The following TTC6 variants were observed in gnomAD, a reference collection of about 807,000 sequenced individuals.
The protein encoded by TTC6 is tetratricopeptide repeat domain 6.
Under a neutral mutation model 210.4 loss-of-function variants are expected in TTC6, and 172 were observed. The ratio of observed to expected loss-of-function variants is 0.82; its 90% CI spans 0.72 to 0.93. The LOEUF is 0.93. Among genes scored for constraint, TTC6 ranks in the 40% least tolerant of loss-of-function variants. TTC6 has a pLI of 0.00. For missense variants in TTC6, 2,414 were observed against 2,318.1 expected (o/e 1.04, Z -0.85); for synonymous variants, 804 against 819.6 (o/e 0.98, Z 0.32).
chr14:37,825,671 C>A lies in TTC6; in HGVS notation c.4975-524C>A, dbSNP rs1595319951. ...AGCTTGGTAGATTTGCATGTATTTT[C>A]CATGGAATACGTATAGTGATACTAA... On this transcript the variant is annotated intron_variant, in intron 27 of 30. Coordinates refer to ENST00000553443, the Ensembl canonical transcript of TTC6. Among the ~76,000 whole-genome samples, 4 of 152,186 alleles carry A rather than the reference C, an allele frequency of 2.6e-5. 1 individual carries two copies. In the Middle Eastern group the frequency reaches 0.014, roughly 518 times the overall value.
rs1237746427 is a variant in TTC6 at position 37,745,068 on chromosome 14, A to ATG, written c.2364-3861_2364-3860dup. ...CATATATATGTACGTACATATACAT[A>ATG]TGTGTGTGTGTATATATATATGGAG... On this transcript the variant is annotated intron_variant, in intron 10 of 30. Coordinates refer to ENST00000553443, the Ensembl canonical transcript of TTC6. Among the ~76,000 whole-genome samples the ATG allele has an allele frequency of 2.6e-5, 4 of 152,036 alleles. No homozygotes were observed. In the South Asian group the frequency reaches 6.2e-4, roughly 24 times the overall value.
chr14:37,727,503 T>G lies in TTC6; in HGVS notation c.1818+2501T>G, dbSNP rs142587048. On this transcript the variant is annotated intron_variant, in intron 7 of 30. Coordinates refer to ENST00000553443, the Ensembl canonical transcript of TTC6. ...AGAGATGGGGTTTCACTGTTTTAGC[T>G]AGGATGGTCTTGATCTCCTGACCTT... Among the ~76,000 whole-genome samples, 1,179 of 146,030 alleles carry G rather than the reference T, an allele frequency of 8.1e-3. 18 individuals are homozygous for G. The highest frequency in any genetic ancestry group is 0.028 in the African/African-American group (1,102 of 39,336).
rs112298701 is a variant in TTC6, at chr14:37,713,899, G to A, written c.1572-756G>A. On this transcript the variant is annotated intron_variant, in intron 5 of 30. Coordinates refer to ENST00000553443, the Ensembl canonical transcript of TTC6. ...ATAATAGTATATCAATAAGTTAGAG[G>A]GAACAGTAGCTTTAAATGCTTCAAT... Among the ~76,000 whole-genome samples the A allele has an allele frequency of 2.7e-3, 411 of 152,144 alleles. 6 individuals are homozygous for A. Among genetic ancestry groups the A allele is most frequent in the African/African-American group, 8.7e-3 (363 of 41,498 alleles).
rs549559734 is a variant in TTC6 at position 37,800,228 on chromosome 14, GTTATTATTT to G, written c.4029+3287_4029+3295del. ...GGACTCTGAGGCAAATGAGCAACAT[GTTATTATTT>G]TTATTTAGTGGTTCAAAGCTTAGTA... On this transcript the variant is annotated intron_variant, in intron 20 of 30. Transcript: ENST00000553443. Among the ~76,000 whole-genome samples, 10 of 152,200 alleles carry G rather than the reference GTTATTATTT, an allele frequency of 6.6e-5. No homozygotes were observed. The South Asian group carries it at 2.1e-3, about 32-fold the overall frequency.
At chr14:37,638,921 A>G (rs1481277449) in intron 1 of TTC6, among the ~76,000 whole-genome samples, 2 of 152,064 alleles carry the variant, frequency 1.3e-5, no homozygotes, top group Non-Finnish European at 2.9e-5. Context: ...TAAACCCCCA[A>G]CTCCCCAGAC....
chr14:37,659,082 A>G (rs566358199), intron 1 of TTC6, among the ~76,000 whole-genome samples: 1 of 152,208 alleles, frequency 6.6e-6, no homozygotes, highest in African/African-American at 2.4e-5. Flanking sequence ...CTCCAGCTCC[A>G]TCCATGCTCC....
At chr14:37,832,146 T>C (rs2096186793) in intron 29 of TTC6, among the ~76,000 whole-genome samples, 1 of 152,112 alleles carries the variant, frequency 6.6e-6, no homozygotes, top group Non-Finnish European at 1.5e-5. Flanking sequence ...AGTTTCTTTC[T>C]TCTGCAAATG....
chr14:37,812,600 GT>G (rs746468999), intron 25 of TTC6, among the ~76,000 whole-genome samples, 167 bp downstream of exon 27: 10,175 of 151,866 alleles, frequency 0.067, 518 homozygotes, highest in South Asian at 0.13. Context: ...TTGAAAAAAT[GT>G]ATATTTTTGC....
intron 20 of TTC6, among the ~76,000 whole-genome samples, chr14:37,800,383 A>G (rs1361343501): frequency 6.6e-6 from 1 of 152,184 alleles, no homozygotes; most frequent in African/African-American, 2.4e-5. Context: ...TGCTTCTAAT[A>G]GTAAAGTGTG....
intron 1 of TTC6, among the ~76,000 whole-genome samples, chr14:37,605,969 A>G (rs11627807): frequency 0.72 from 109,308 of 151,518 alleles, 39,537 homozygotes; most frequent in East Asian, 0.86. Flanking sequence ...TCATGCCCCA[A>G]TGCCAGACTT....
rs556848483 is a variant in TTC6 at position 37,810,945 on chromosome 14, A to G, written c.4570-1369A>G. The stretch of plus-strand genomic sequence containing the variant: ...TATTTTTAAGCAGATCCTTACAACA[A>G]TATGATGAATTTTTAACACCCCAAT... On this transcript the variant is annotated intron_variant, in intron 24 of 30. Coordinates refer to ENST00000553443, the Ensembl canonical transcript of TTC6. Among the ~76,000 whole-genome samples the G allele has an allele frequency of 2.0e-5, 3 of 152,292 alleles. No homozygotes were observed. In the East Asian group the frequency reaches 5.8e-4, roughly 29 times the overall value.
chr14:37,729,187 T>A (rs772635167), intron 7 of TTC6, among the ~76,000 whole-genome samples: 29 of 152,224 alleles, frequency 1.9e-4, no homozygotes, highest in Non-Finnish European at 3.8e-4. Flanking sequence ...TTGCATTTTT[T>A]AATAATGCAG....
At chr14:37,744,722 A>G (rs1451338737) in intron 10 of TTC6, among the ~76,000 whole-genome samples, 3 of 152,164 alleles carry the variant, frequency 2.0e-5, no homozygotes, top group South Asian at 4.1e-4. Context: ...GTTATGGTAA[A>G]GACTTTGGAT....
chr14:37,769,720 T>C (rs1440193445), intron 14 of TTC6, among the ~76,000 whole-genome samples: 1 of 150,600 alleles, frequency 6.6e-6, no homozygotes, highest in African/African-American at 2.4e-5. Context: ...TTGCTAGTAG[T>C]CTATCAATTT....
intron 1 of TTC6, among the ~76,000 whole-genome samples, chr14:37,655,039 G>A (rs2095719400): frequency 6.6e-6 from 1 of 152,158 alleles, no homozygotes; most frequent in African/African-American, 2.4e-5. Flanking sequence ...ATACTGCGAG[G>A]GAGTTATTTT....
At chr14:37,616,406 G>A (rs1462335289) in intron 2 of TTC6, among the ~76,000 whole-genome samples, 1 of 152,134 alleles carries the variant, frequency 6.6e-6, no homozygotes, top group Non-Finnish European at 1.5e-5. Context: ...CTTCTCTCCA[G>A]GCCAGTTTAC....
intron 14 of TTC6, among the ~76,000 whole-genome samples, chr14:37,783,099 T>G (rs559319766): frequency 2.0e-4 from 30 of 152,134 alleles, no homozygotes; most frequent in Admixed American, 5.2e-4. Context: ...CTTTTTTTTG[T>G]TGTGTCTCTG....
rs150836207 is a variant in TTC6, at chr14:37,692,499, C to T, written c.1258-4218C>T. On this transcript the variant is annotated intron_variant, in intron 3 of 30. Coordinates refer to ENST00000553443, the Ensembl canonical transcript of TTC6. ...AACCATTTGATAAAATTCAACATCC[C>T]GTCATGAACAACAAAAAATGTCAAA... is the stretch of plus-strand genomic sequence containing the variant. Among the ~76,000 whole-genome samples the T allele has an allele frequency of 1.6e-4, 25 of 152,012 alleles. No homozygotes were observed. The East Asian group carries it at 4.1e-3, about 25-fold the overall frequency.
At chr14:37,801,175 T>C (rs1393211727) in intron 20 of TTC6, among the ~76,000 whole-genome samples, 2 of 152,192 alleles carry the variant, frequency 1.3e-5, no homozygotes, top group Admixed American at 6.5e-5. Context: ...GACAGATAAC[T>C]TGTCTCTTTA....
Sources: allele counts gnomAD v4.1 joint callset (sites outside exome capture counted in the v4.1 genomes callset), GRCh38; gene constraint gnomAD v4.1.1; transcripts MANE v1.5; gene names NCBI Gene and HGNC (gene_info 2026-07-23, HGNC 2026-07-21).